RAB11FIP4: variants seen among roughly 807,000 people sequenced by gnomAD.
RAB11FIP4 encodes the protein rab11 family-interacting protein 4.
RAB11FIP4 carries 23 observed loss-of-function variants against 74.3 expected under a neutral mutation model. The ratio of observed to expected loss-of-function variants is 0.31; its 90% CI spans 0.22 to 0.44. RAB11FIP4 has a LOEUF of 0.44. Among genes scored for constraint, RAB11FIP4 ranks in the 20% least tolerant of loss-of-function variants. RAB11FIP4 has a pLI of 1.00. For synonymous variants in RAB11FIP4, 360 were observed against 359.9 expected (o/e 1.00, Z 0.00); for missense variants, 630 against 863.9 (o/e 0.73, Z 3.39).
At chr17:31,516,995 C>T (rs1207905182) in intron 3 of RAB11FIP4, among the ~76,000 whole-genome samples, 1 of 151,512 alleles carries the variant, frequency 6.6e-6, no homozygotes, top group Non-Finnish European at 1.5e-5. Flanking sequence ...ACACCCTATG[C>T]AAACATCTGA....
intron 3 of RAB11FIP4, among the ~76,000 whole-genome samples, chr17:31,480,503 C>T (rs1053055549): frequency 1.3e-5 from 2 of 152,024 alleles, no homozygotes; most frequent in South Asian, 2.1e-4. Flanking sequence ...GAAAATAGTC[C>T]CCCTGGCCGG....
chr17:31,403,475 A>G (rs1247812829), intron 1 of RAB11FIP4, among the ~76,000 whole-genome samples: 1 of 151,878 alleles, frequency 6.6e-6, no homozygotes, highest in African/African-American at 2.4e-5. Flanking sequence ...GGAGTGCACC[A>G]CCACACCCAG....
At position 31,449,431 on chromosome 17, in the gene RAB11FIP4, C is replaced by T. The variant is rs1483624448; in HGVS notation, c.336+15309C>T. ...ACATCCTGGCTTTCTTTCCTTTGGT[C>T]TATTTCCTCCAAAGACTGGTCTCAA... is the stretch of plus-strand genomic sequence containing the variant. On this transcript the variant is annotated intron_variant, in intron 3 of 14. Coordinates refer to ENST00000621161, the MANE Select transcript of RAB11FIP4 (RefSeq NM_032932.6). Among the ~76,000 whole-genome samples, 6 of 152,214 alleles carry T rather than the reference C, an allele frequency of 3.9e-5. No individual in the cohort carries two copies. The East Asian group carries it at 1.2e-3, about 29-fold the overall frequency.
At chr17:31,397,548 C>G (rs979000542) in intron 1 of RAB11FIP4, among the ~76,000 whole-genome samples, 1 of 152,202 alleles carries the variant, frequency 6.6e-6, no homozygotes, top group African/African-American at 2.4e-5. Context: ...GGCCCAGGTG[C>G]CCTGAGCCTG....
At chr17:31,475,081 G>A (rs776605450) in intron 3 of RAB11FIP4, among the ~76,000 whole-genome samples, 22 of 152,176 alleles carry the variant, frequency 1.4e-4, no homozygotes, top group Admixed American at 5.9e-4. Flanking sequence ...CAGAAGGGGA[G>A]GGCAGGAGCA....
chr17:31,473,999 A>G (rs1031474219), intron 3 of RAB11FIP4, among the ~76,000 whole-genome samples: 27 of 152,242 alleles, frequency 1.8e-4, no homozygotes, highest in African/African-American at 6.5e-4. Context: ...TGGGGACACA[A>G]TGATTTTGCC....
At chr17:31,422,818 C>T (rs1216304408) in intron 1 of RAB11FIP4, among the ~76,000 whole-genome samples, 2 of 151,848 alleles carry the variant, frequency 1.3e-5, no homozygotes, top group Non-Finnish European at 2.9e-5. Flanking sequence ...TTCACCTTTA[C>T]TGAACCATGG....
At chr17:31,434,289 T>C (rs2071338724) in intron 3 of RAB11FIP4, among the ~76,000 whole-genome samples, 167 bp downstream of exon 3, 2 of 152,088 alleles carry the variant, frequency 1.3e-5, no homozygotes, top group South Asian at 4.2e-4. Flanking sequence ...CTGAGTCCCC[T>C]TGGGAAGCCC....
intron 7 of RAB11FIP4, 43 bp downstream of exon 7, chr17:31,522,438 A>G (rs776276636): frequency 1.9e-6 from 3 of 1,596,038 alleles, no homozygotes; most frequent in Non-Finnish European, 2.6e-6. Context: ...TGCTGTCCCC[A>G]TGCTGCCCAC....
rs114573089 is a variant in RAB11FIP4 at position 31,511,474 on chromosome 17, A to T, written c.337-6177A>T. On this transcript the variant is annotated intron_variant, in intron 3 of 14. Transcript: ENST00000621161. ...CCTGTGGCTGTGCTGTTCCCAGCTC[A>T]TCATACTGCAGTACAGTATGGTTCC... 7.6e-3 allele frequency among the ~76,000 whole-genome samples: 1,154 copies of T among 152,334 alleles called. 11 individuals carry two copies. The highest frequency in any genetic ancestry group is 0.026 in the African/African-American group (1,081 of 41,576).
At chr17:31,392,658 C>G (rs532183575) in intron 1 of RAB11FIP4, 2 of 152,220 alleles carry the variant, frequency 1.3e-5, no homozygotes, top group African/African-American at 4.8e-5. Context: ...TTTCATGTGG[C>G]GGGGCCGCAT....
intron 4 of RAB11FIP4, among the ~76,000 whole-genome samples, chr17:31,520,401 T>G (rs2072639982): frequency 6.6e-6 from 1 of 151,514 alleles, no homozygotes; most frequent in Non-Finnish European, 1.5e-5. Context: ...ACTCCGAATG[T>G]TTTTTTTTCC....
At chr17:31,515,021 C>A (rs1054986818) in intron 3 of RAB11FIP4, among the ~76,000 whole-genome samples, 7 of 152,172 alleles carry the variant, frequency 4.6e-5, no homozygotes, top group Admixed American at 2.6e-4. Flanking sequence ...CCCTGCCCTG[C>A]CCTCTGGCTG....
intron 1 of RAB11FIP4, among the ~76,000 whole-genome samples, chr17:31,403,565 A>G (rs1364151540): frequency 5.9e-4 from 90 of 151,788 alleles, no homozygotes; most frequent in African/African-American, 2.1e-3. Context: ...CTTGTGATCC[A>G]CCCATCTTGG....
At chr17:31,447,227 T>C (rs9907162) in intron 3 of RAB11FIP4, among the ~76,000 whole-genome samples, 3,015 of 152,262 alleles carry the variant, frequency 0.02, 110 homozygotes, top group African/African-American at 0.068. Context: ...GAGCTTGCAA[T>C]GAGCCGAGAT....
At chr17:31,446,414 AGGCAGCC>A (rs1173326775) in intron 3 of RAB11FIP4, among the ~76,000 whole-genome samples, 3 of 151,960 alleles carry the variant, frequency 2.0e-5, no homozygotes, top group African/African-American at 7.3e-5. Context: ...AATTGTGGGG[AGGCAGCC>A]GGCCTTGGTA....
rs2070874568 is a variant in RAB11FIP4 at position 31,391,883 on chromosome 17, C to A, written c.31C>A (p.Pro11Thr). 1 of 1,200,450 alleles carries A rather than the reference C, an allele frequency of 8.3e-7. No individual in the cohort carries two copies. 74.4% of individuals were successfully genotyped at this position (1,200,450 alleles called of 1,614,324 possible). Residue 11 changes from proline (P) to threonine (T), a missense_variant, in exon 1 of 15, where the codon CCC (proline) becomes ACC (threonine). By Grantham distance (38) the Pro-to-Thr change is conservative. Transcript: ENST00000621161. ...GGGCGGCGCGGGCTGGTCGGGCGCC[C>A]CCGCGGCTCTGCTGCGCTCCGTGCG... The part of the protein sequence containing the change: MAGGAGWSGA[P>T]AALLRSVRRL...
At chr17:31,465,977 T>TA (rs11394320) in intron 3 of RAB11FIP4, 50,284 of 138,114 alleles carry the variant, frequency 0.36, 10,425 homozygotes, top group African/African-American at 0.55. Flanking sequence ...TGCTAAAAAT[T>TA]AAAAAAAAAA....
intron 3 of RAB11FIP4, among the ~76,000 whole-genome samples, chr17:31,451,478 A>G (rs1567660479): frequency 1.3e-5 from 2 of 151,726 alleles, no homozygotes; most frequent in Admixed American, 6.6e-5. Flanking sequence ...AAAAAAAAAA[A>G]AAATTGTAAG....
Sources: allele counts gnomAD v4.1 joint callset (sites outside exome capture counted in the v4.1 genomes callset), GRCh38; gene constraint gnomAD v4.1.1; transcripts MANE v1.5; gene names NCBI Gene and HGNC (gene_info 2026-07-23, HGNC 2026-07-21).